STAU2: variants seen among roughly 807,000 people sequenced by gnomAD.
STAU2 encodes staufen double-stranded RNA binding protein 2.
STAU2 carries 20 observed loss-of-function variants against 65.9 expected under a neutral mutation model. The observed-to-expected ratio is 0.30, with a 90% CI of 0.21 to 0.44. The LOEUF is 0.44. STAU2 is among the 20% of genes least tolerant of loss of function. STAU2 has a pLI of 1.00. For missense variants in STAU2, 558 were observed against 683.9 expected (o/e 0.82, Z 2.05); for synonymous variants, 232 against 233.9 (o/e 0.99, Z 0.07).
At chr8:73,559,707 G>A (rs930348477) in intron 12 of STAU2, among the ~76,000 whole-genome samples, 14 of 152,160 alleles carry the variant, frequency 9.2e-5, no homozygotes, top group Admixed American at 9.2e-4. Flanking sequence ...ACTGATGTGA[G>A]CTACAGAAAT....
chr8:73,724,326 T>C (rs72661804), intron 3 of STAU2, among the ~76,000 whole-genome samples: 12 of 152,290 alleles, frequency 7.9e-5, no homozygotes, highest in Non-Finnish European at 1.5e-4. Flanking sequence ...AAAGTCCCCA[T>C]CCGTCCTTCT....
intron 13 of STAU2, among the ~76,000 whole-genome samples, chr8:73,496,052 T>C (rs1414145696): frequency 6.6e-6 from 1 of 151,510 alleles, no homozygotes; most frequent in Non-Finnish European, 1.5e-5. Flanking sequence ...TTCTTTGAAA[T>C]CCAATTCAAA....
intron 13 of STAU2, among the ~76,000 whole-genome samples, chr8:73,510,582 G>T (rs1448959511): frequency 6.6e-6 from 1 of 152,186 alleles, no homozygotes; most frequent in Non-Finnish European, 1.5e-5. Context: ...AAGGAAACAG[G>T]TTTAACTGGC....
chr8:73,710,557 G>A (rs1462203667), intron 3 of STAU2, among the ~76,000 whole-genome samples: 4 of 151,916 alleles, frequency 2.6e-5, no homozygotes, highest in Non-Finnish European at 4.4e-5. Flanking sequence ...AAGTCCCAAA[G>A]TTGTTGTGAG....
At chr8:73,445,284 C>G (rs1818409363) in intron 13 of STAU2, among the ~76,000 whole-genome samples, 1 of 152,148 alleles carries the variant, frequency 6.6e-6, no homozygotes, top group Non-Finnish European at 1.5e-5. Context: ...TGCAGTCAGG[C>G]TAGGAGAGGA....
At chr8:73,477,108 T>G in intron 13 of STAU2, among the ~76,000 whole-genome samples, 1 of 150,858 alleles carries the variant, frequency 6.6e-6, no homozygotes, top group African/African-American at 2.4e-5. Context: ...GGGGGTGGAG[T>G]GGAAGAGAGT....
chr8:73,439,443 C>A (rs1817962233), intron 13 of STAU2, among the ~76,000 whole-genome samples: 1 of 152,152 alleles, frequency 6.6e-6, no homozygotes, highest in African/African-American at 2.4e-5. Context: ...ATGGTGAAAC[C>A]CCATCTCTAC....
chr8:73,592,854 G>T (rs376450259), intron 11 of STAU2, among the ~76,000 whole-genome samples: 2 of 150,838 alleles, frequency 1.3e-5, no homozygotes, highest in Admixed American at 6.6e-5. Flanking sequence ...GCTAGACTCC[G>T]TCTCAAAAAA....
At chr8:73,457,026 G>C (rs1819106985) in intron 13 of STAU2, among the ~76,000 whole-genome samples, 1 of 152,080 alleles carries the variant, frequency 6.6e-6, no homozygotes, top group South Asian at 2.1e-4. Flanking sequence ...ACTTGCATTG[G>C]GAATTCTTTG....
intron 13 of STAU2, among the ~76,000 whole-genome samples, chr8:73,468,426 G>A (rs1342053695): frequency 1.6e-4 from 24 of 152,006 alleles, no homozygotes; most frequent in African/African-American, 4.3e-4. Flanking sequence ...CACCAAAAGC[G>A]ATGGCAACAA....
chr8:73,529,742 T>C (rs1805686148), intron 13 of STAU2, among the ~76,000 whole-genome samples: 3 of 152,180 alleles, frequency 2.0e-5, no homozygotes, highest in South Asian at 4.1e-4. Context: ...TGTTTACATA[T>C]ATAACTCATA....
rs369925802 is a variant in STAU2 at position 73,708,494 on chromosome 8, TA to T, written c.114+537del. On this transcript the variant is annotated intron_variant, in intron 4 of 14. Transcript: ENST00000524300. ...ATATAAATAAAAATTGCTTTCCATTTAAAAAAACAATATAAGTGAATGCAGA... is the reference window on the plus strand; with the variant it reads ...ATATAAATAAAAATTGCTTTCCATTTAAAAAACAATATAAGTGAATGCAGA... 2.4e-3 allele frequency among the ~76,000 whole-genome samples: 364 copies of T among 152,286 alleles called. 12 individuals carry two copies. The South Asian group carries it at 0.073, about 31-fold the overall frequency.
intron 4 of STAU2, among the ~76,000 whole-genome samples, chr8:73,699,232 TCAAA>T (rs1235022978): frequency 6.6e-5 from 10 of 151,694 alleles, no homozygotes; most frequent in Non-Finnish European, 1.3e-4. Context: ...TGGAAAAATT[TCAAA>T]CAAACAATCT....
At position 73,680,597 on chromosome 8, in the gene STAU2, G is replaced by C. The variant is rs556285509; in HGVS notation, c.275-7355C>G. Among the ~76,000 whole-genome samples, 7 of 152,154 alleles carry C rather than the reference G, an allele frequency of 4.6e-5. 1 individual carries two copies. In the South Asian group the frequency reaches 1.4e-3, roughly 32 times the overall value. ...AAGATCACACTAGTTCACCAGCGATGGATCCAAACCAGGAAGAAATATCTG... is the reference window on the plus strand; with the variant it reads ...AAGATCACACTAGTTCACCAGCGATCGATCCAAACCAGGAAGAAATATCTG... On this transcript the variant is annotated intron_variant, in intron 5 of 14. Transcript: ENST00000524300.
intron 5 of STAU2, among the ~76,000 whole-genome samples, chr8:73,679,671 C>CACG: frequency 6.6e-6 from 1 of 150,840 alleles, no homozygotes; most frequent in East Asian, 2.0e-4. Context: ...CGCTTGAGCC[C>CACG]AGTTTGAGAC....
At chr8:73,688,532 A>C in intron 5 of STAU2, 122 bp downstream of exon 5, 2 of 624,954 alleles carry the variant, frequency 3.2e-6, no homozygotes, top group Non-Finnish European at 5.4e-6. Context: ...GTGTGTGTGT[A>C]GGTATGGGCA....
intron 4 of STAU2, among the ~76,000 whole-genome samples, chr8:73,700,938 A>G (rs1339453744): frequency 2.0e-5 from 3 of 152,170 alleles, no homozygotes; most frequent in Non-Finnish European, 4.4e-5. Context: ...AGACCAATGG[A>G]ACAGAAGAGA....
chr8:73,688,134 T>G (rs1212972621), intron 5 of STAU2, among the ~76,000 whole-genome samples: 1 of 152,014 alleles, frequency 6.6e-6, no homozygotes, highest in Non-Finnish European at 1.5e-5. Context: ...CTAAAGCAAA[T>G]TTTAAAAACA....
intron 10 of STAU2, among the ~76,000 whole-genome samples, chr8:73,602,613 C>T (rs1300115397): frequency 6.6e-6 from 1 of 151,624 alleles, no homozygotes; most frequent in Non-Finnish European, 1.5e-5. Flanking sequence ...TCCTAGGCTA[C>T]TCAGGAGGCT....
Sources: allele counts gnomAD v4.1 joint callset (sites outside exome capture counted in the v4.1 genomes callset), GRCh38; gene constraint gnomAD v4.1.1; transcripts MANE v1.5; gene names NCBI Gene and HGNC (gene_info 2026-07-23, HGNC 2026-07-21).